Variants in GGA3 observed in about 807,000 individuals in gnomAD.
GGA3 encodes ADP-ribosylation factor-binding protein GGA3.
In GGA3, 57 loss-of-function variants were observed where a neutral mutation model predicts 77.5. That is an observed-to-expected ratio of 0.74 (90% CI 0.59 to 0.92). GGA3 has a LOEUF of 0.92. Ranked by LOEUF, GGA3 falls within the 40% of genes least tolerant of loss-of-function variation. GGA3 has a pLI of 0.00. For synonymous variants in GGA3, 416 were observed against 383.7 expected, an observed-to-expected ratio of 1.08 and a Z score of -0.98; for missense variants, 970 against 914.9, an observed-to-expected ratio of 1.06 and a Z score of -0.78.
Position 75,246,706 on chromosome 17 carries a change from A to G in GGA3, c.125+6T>C. 1 of 1,612,234 alleles carries G rather than the reference A, an allele frequency of 6.2e-7. No individual in the cohort carries two copies. Among genetic ancestry groups the G allele is most frequent in the Non-Finnish European group, 8.5e-7 (1 of 1,178,400 alleles). Reference sequence around the variant, plus strand: ...TCTCAGCTGCCCCCACAGTGCTGAGACTCACCCTTCCAGCTCCTTGTTGAT... The same window carrying G: ...TCTCAGCTGCCCCCACAGTGCTGAGGCTCACCCTTCCAGCTCCTTGTTGAT... On this transcript the variant is annotated splice_donor_region_variant and intron_variant, in intron 2 of 16. Coordinates refer to ENST00000537686, the MANE Select transcript of GGA3 (RefSeq NM_138619.4).
intron 1 of GGA3, among the ~76,000 whole-genome samples, chr17:75,249,807 G>A (rs904315071): frequency 5.3e-5 from 8 of 152,280 alleles, no homozygotes; most frequent in South Asian, 2.1e-4. Flanking sequence ...CCCAACCCCC[G>A]AAGCAACTGG....
At chr17:75,253,143 C>T (rs1221208733) in intron 1 of GGA3, among the ~76,000 whole-genome samples, 3 of 152,182 alleles carry the variant, frequency 2.0e-5, no homozygotes, top group South Asian at 2.1e-4. Context: ...GATCCACCTA[C>T]GACCTCAGGT....
At chr17:75,244,786 T>A (rs2076698161) in intron 3 of GGA3, 69 bp from the exon 4 acceptor site, 1 of 980,182 alleles carries the variant, frequency 1.0e-6, no homozygotes, top group Non-Finnish European at 1.7e-6. Flanking sequence ...ACTGGCAAGA[T>A]CCCTGGCACC....
intron 7 of GGA3, 65 bp from the exon 8 acceptor site, chr17:75,242,538 G>A: frequency 6.3e-7 from 1 of 1,586,652 alleles, no homozygotes; most frequent in Non-Finnish European, 8.6e-7. Context: ...CTTCCACCAG[G>A]TCACACCTTA....
chr17:75,251,551 C>CA (rs2076966199), intron 1 of GGA3, among the ~76,000 whole-genome samples: 1 of 151,658 alleles, frequency 6.6e-6, no homozygotes, highest in Non-Finnish European at 1.5e-5. Flanking sequence ...ACTAAAACTA[C>CA]AAAAATTAGC....
At chr17:75,244,444 T>C (rs1311180414) in intron 4 of GGA3, 175 bp downstream of exon 4, 1 of 611,840 alleles carries the variant, frequency 1.6e-6, no homozygotes, top group South Asian at 1.8e-5. Flanking sequence ...AAGCTGCCGG[T>C]CCCTGTGGCC....
At chr17:75,261,477 G>A (rs1359165557) in intron 1 of GGA3, 71 bp downstream of exon 1, 2 of 1,237,210 alleles carry the variant, frequency 1.6e-6, no homozygotes, top group African/African-American at 1.6e-5. Context: ...AGCCCGGGGA[G>A]GGGACGTGGG....
chr17:75,240,800 T>C lies in GGA3; in HGVS notation c.1192+12A>G, dbSNP rs2145491565. 1.9e-6 allele frequency: 3 copies of C among 1,602,086 alleles called. No individual in the cohort carries two copies. The South Asian group carries it at 3.3e-5, about 18-fold the overall frequency. On this transcript the variant is annotated intron_variant, in intron 11 of 16. Transcript: ENST00000537686. ...GTCAGGGGATGCCCCTGACGCCCCC[T>C]GTGGGCCGCACCCAAGCAGAGTAGC...
intron 4 of GGA3, among the ~76,000 whole-genome samples, chr17:75,243,843 C>T (rs2076660590): frequency 6.6e-6 from 1 of 152,158 alleles, no homozygotes; most frequent in Admixed American, 6.5e-5. Context: ...CATGACCTTA[C>T]TCATCTGCAC....
intron 1 of GGA3, among the ~76,000 whole-genome samples, chr17:75,250,206 A>C (rs552599611): frequency 4.6e-5 from 7 of 152,310 alleles, no homozygotes; most frequent in African/African-American, 1.7e-4. Context: ...CCTGGCATAG[A>C]GGTGACACCC....
At chr17:75,238,612 G>A in intron 16 of GGA3, 40 bp downstream of exon 16, 1 of 1,407,120 alleles carries the variant, frequency 7.1e-7, no homozygotes, top group Non-Finnish European at 1.0e-6. Context: ...TGGGGCAGCT[G>A]GGGCCTCAGG....
At chr17:75,261,714 G>C (rs757800411), upstream of GGA3, 2 of 1,147,994 alleles carry the variant, frequency 1.7e-6, no homozygotes, top group Non-Finnish European at 2.4e-6. Context: ...AGACTGCGAC[G>C]GATACAGGGA....
chr17:75,237,819 A>T lies in GGA3; in HGVS notation c.*460T>A. ...GAGCTGGTTGGCGGGGGAAGCATGG[A>T]ATTGCAACAGGGCTGCAGCCCCTTG... On this transcript the variant is annotated 3_prime_UTR_variant, in exon 17 of 17. Coordinates refer to ENST00000537686, the MANE Select transcript of GGA3 (RefSeq NM_138619.4). The T allele has an allele frequency of 7.0e-7, 1 of 1,428,008 alleles. No individual in the cohort carries two copies. Among genetic ancestry groups the T allele is most frequent in the Non-Finnish European group, 9.1e-7 (1 of 1,096,244 alleles). The allele number at this position is 1,428,008 out of a possible 1,614,324, so 88.5% of individuals were successfully genotyped here.
chr17:75,256,565 G>C (rs1005602034), intron 1 of GGA3, among the ~76,000 whole-genome samples: 3 of 152,046 alleles, frequency 2.0e-5, no homozygotes, highest in African/African-American at 4.8e-5. Flanking sequence ...GGCAGTTCCA[G>C]CAGGCCTAAT....
intron 1 of GGA3, among the ~76,000 whole-genome samples, chr17:75,255,217 G>T (rs1272187025): frequency 6.6e-6 from 1 of 151,894 alleles, no homozygotes; most frequent in Admixed American, 6.6e-5. Context: ...AACTGTTGTG[G>T]GTATTGACAG....
upstream of GGA3, chr17:75,262,363 TG>T: frequency 1.0e-6 from 1 of 966,724 alleles, no homozygotes; most frequent in Non-Finnish European, 1.6e-6. Flanking sequence ...TGAATTGTTG[TG>T]GCTCAGGTTT....
intron 13 of GGA3, 72 bp downstream of exon 13, chr17:75,239,717 T>A: frequency 1.3e-6 from 2 of 1,569,782 alleles, no homozygotes; most frequent in South Asian, 2.2e-5. Flanking sequence ...CCCCACCCCT[T>A]CAAAGTTAGC....
Position 75,243,465 on chromosome 17 carries a change from G to A in GGA3, c.406C>T (p.His136Tyr). 1 of 1,614,174 alleles carries A rather than the reference G, an allele frequency of 6.2e-7. No individual in the cohort carries two copies. Among genetic ancestry groups the A allele is most frequent in the Non-Finnish European group, 8.5e-7 (1 of 1,180,028 alleles). Residue 136 changes from histidine (H) to tyrosine (Y), a missense_variant, in exon 5 of 17, where the codon CAC (histidine) becomes TAC (tyrosine). By Grantham distance (83) the His-to-Tyr change is moderately conservative. Coordinates refer to ENST00000537686, the MANE Select transcript of GGA3 (RefSeq NM_138619.4). ...PEEAKIKDAY[H>Y]MLKRQGIVQS... ...CACGTACCCTGTCTCTTCAGCATGT[G>A]GTAGGCGTCTTTGATCTTTGCTTCT... is the stretch of plus-strand genomic sequence containing the variant.
intron 1 of GGA3, among the ~76,000 whole-genome samples, chr17:75,259,643 C>T (rs947907994): frequency 8.5e-5 from 13 of 152,072 alleles, no homozygotes; most frequent in Admixed American, 2.6e-4. Context: ...GAGGTGAGGA[C>T]GGGAGAGACC....
Sources: gnomAD v4.1 joint callset for allele counts (sites outside exome capture counted in the v4.1 genomes callset) on GRCh38, gnomAD v4.1.1 for gene constraint, MANE v1.5 for transcripts, NCBI Gene and HGNC (gene_info 2026-07-23, HGNC 2026-07-21) for gene names.